The following KIRREL3 variants were observed in gnomAD, a reference collection of about 807,000 sequenced individuals.
The protein encoded by KIRREL3 is kirre like nephrin family adhesion molecule 3.
A neutral mutation model predicts 89.7 loss-of-function variants in KIRREL3; 36 were observed. That is an observed-to-expected ratio of 0.40 (90% CI 0.31 to 0.53). The LOEUF (loss-of-function observed/expected upper bound fraction) is 0.53, where lower values mean the gene tolerates loss of function less well. Among genes scored for constraint, KIRREL3 ranks in the 20% least tolerant of loss-of-function variants. The probability of loss-of-function intolerance (pLI) is 0.49; values close to 1 mark genes in which losing one functional copy is unlikely to be tolerated. For missense variants in KIRREL3, 864 were observed against 1,056.6 expected, an observed-to-expected ratio of 0.82 and a Z score of 2.53; for synonymous variants, 445 against 441.4, an observed-to-expected ratio of 1.01 and a Z score of -0.10.
At position 126,622,585 on chromosome 11, in the gene KIRREL3, A is replaced by G. The variant is rs892538217; in HGVS notation, c.56-59673T>C. Among the ~76,000 whole-genome samples, 5 of 152,212 alleles carry G rather than the reference A, an allele frequency of 3.3e-5. No individual in the cohort carries two copies. The highest frequency in any genetic ancestry group is 7.3e-5 in the Non-Finnish European group (5 of 68,038). Reference sequence around the variant, plus strand: ...GTGCCTGTAATCCCAGCTACTCAGGAGGCTGAGGCAGAAGAATCACTTGAA... The same window carrying G: ...GTGCCTGTAATCCCAGCTACTCAGGGGGCTGAGGCAGAAGAATCACTTGAA... On this transcript the variant is annotated intron_variant, in intron 1 of 16. Coordinates refer to ENST00000525144, the MANE Select transcript of KIRREL3 (RefSeq NM_032531.4). This position sits in a 1 kb window ranked among gnomAD's most constrained non-coding sequence, Gnocchi z 5.2.
chr11:126,838,795 G>A (rs577757095), intron 1 of KIRREL3, among the ~76,000 whole-genome samples: 1 of 152,244 alleles, frequency 6.6e-6, no homozygotes, highest in African/African-American at 2.4e-5. Flanking sequence ...GTAATAAAGG[G>A]GGGAAATATA....
At position 126,877,268 on chromosome 11, in the gene KIRREL3, T is replaced by C. The variant is rs1310187196; in HGVS notation, c.55+123187A>G. On this transcript the variant is annotated intron_variant, in intron 1 of 16. Transcript: ENST00000525144. This position sits in a 1 kb window ranked among gnomAD's most constrained non-coding sequence, Gnocchi z 4.9. ...CCAGCCAGCCAAGAGCTGCATTACA[T>C]CTGGAACTGGGCTCAGATAGCAAAA... Among the ~76,000 whole-genome samples the C allele has an allele frequency of 1.3e-5, 2 of 152,228 alleles. No homozygotes were observed. The highest frequency in any genetic ancestry group is 2.9e-5 in the Non-Finnish European group (2 of 68,036).
chr11:126,932,895 T>C (rs1948014484), intron 1 of KIRREL3, among the ~76,000 whole-genome samples: 1 of 152,242 alleles, frequency 6.6e-6, no homozygotes, highest in South Asian at 2.1e-4. Flanking sequence ...ACAGCTCACA[T>C]AGCCATAATA....
chr11:126,867,187 G>T lies in KIRREL3; in HGVS notation c.55+133268C>A, dbSNP rs1293858564. ...TCTGCCTGTCTGCCTGCTCCCCCCA[G>T]GGGTTTGAGCAGCGGGGCATCTATG... is the stretch of plus-strand genomic sequence containing the variant. On this transcript the variant is annotated intron_variant, in intron 1 of 16. Transcript: ENST00000525144. This position sits in a 1 kb window ranked among gnomAD's most constrained non-coding sequence, Gnocchi z 4.7. 6.6e-6 allele frequency among the ~76,000 whole-genome samples: 1 copy of T among 152,220 alleles called. No homozygotes were observed. The highest frequency in any genetic ancestry group is 1.5e-5 in the Non-Finnish European group (1 of 68,036).
chr11:126,518,053 C>T (rs1051880295), intron 4 of KIRREL3, among the ~76,000 whole-genome samples: 2 of 152,238 alleles, frequency 1.3e-5, no homozygotes, highest in Non-Finnish European at 2.9e-5. Flanking sequence ...AATCCCCAGT[C>T]TTTGCCTCTC....
At chr11:126,442,287 A>G (rs961879237) in intron 10 of KIRREL3, among the ~76,000 whole-genome samples, 1 of 135,180 alleles carries the variant, frequency 7.4e-6, no homozygotes, top group African/African-American at 2.7e-5. Context: ...AAAAAAACAA[A>G]AAACCCAACA....
At position 126,612,871 on chromosome 11, in the gene KIRREL3, G is replaced by A. The variant is rs116365632; in HGVS notation, c.56-49959C>T. The stretch of plus-strand genomic sequence containing the variant: ...CATGGCATAGCTATAAGCGCATTTT[G>A]TCCATTCATCATCTGCTAGACATTT... On this transcript the variant is annotated intron_variant, in intron 1 of 16. Transcript: ENST00000525144. The surrounding 1 kb of genome is among the most constrained non-coding windows in gnomAD (Gnocchi z 4.5). 3.7e-3 allele frequency among the ~76,000 whole-genome samples: 559 copies of A among 152,280 alleles called. 1 individual carries two copies. The highest frequency in any genetic ancestry group is 0.013 in the African/African-American group (528 of 41,560).
Position 126,431,518 on chromosome 11 carries a change from G to A in KIRREL3, c.1597C>T (p.Pro533Ser). The A allele has an allele frequency of 6.2e-7, 1 of 1,613,668 alleles. No homozygotes were observed. Among genetic ancestry groups the A allele is most frequent in the Non-Finnish European group, 8.5e-7 (1 of 1,179,808 alleles). ...GCCACCCCAATGATGACGGCCATCG[G>A]CACAGACTCTGTGGGAGAGAAGCGG... ...SGAGLEAESV[P>S]MAVIIGVAVG... The change falls in exon 14 of 17, where the codon CCG becomes TCG. Residue 533 changes from proline (P) to serine (S), a missense_variant. Coordinates refer to ENST00000525144, the MANE Select transcript of KIRREL3 (RefSeq NM_032531.4). This position sits in a 1 kb window ranked among gnomAD's most constrained non-coding sequence, Gnocchi z 7.1.
chr11:126,556,428 G>A (rs796921228), intron 2 of KIRREL3, among the ~76,000 whole-genome samples: 2 of 152,232 alleles, frequency 1.3e-5, no homozygotes, highest in African/African-American at 4.8e-5. Flanking sequence ...ATTGCTTGAG[G>A]CCAGGGGTTT....
Position 126,436,956 on chromosome 11 carries a change from C to T in KIRREL3, c.1407G>A (p.Thr469=), listed in dbSNP as rs373003704. 4.4e-5 allele frequency: 70 copies of T among 1,599,272 alleles called. No individual in the cohort carries two copies. Among genetic ancestry groups the T allele is most frequent in the Admixed American group, 1.7e-4 (10 of 59,424 alleles). ...VLESGTSGRY[T]VETISTEEGV... ...CCTCCTCGGTGCTGATGGTCTCCACCGTATAGCGCCCCGATGTGCCCGACT... is the reference window on the plus strand; with the variant it reads ...CCTCCTCGGTGCTGATGGTCTCCACTGTATAGCGCCCCGATGTGCCCGACT... Residue 469 remains threonine, a synonymous_variant, in exon 12 of 17, where the codon ACG becomes ACA. Coordinates refer to ENST00000525144, the MANE Select transcript of KIRREL3 (RefSeq NM_032531.4).
intron 1 of KIRREL3, among the ~76,000 whole-genome samples, chr11:126,858,617 C>T (rs1036675953): frequency 1.3e-5 from 2 of 152,110 alleles, no homozygotes; most frequent in African/African-American, 4.8e-5. Flanking sequence ...TGGCTTTGAT[C>T]TCATAAGAGG....
intron 4 of KIRREL3, among the ~76,000 whole-genome samples, chr11:126,493,378 G>A (rs576925974): frequency 3.9e-5 from 6 of 152,110 alleles, no homozygotes; most frequent in South Asian, 2.1e-4. Context: ...AAAATTAGCC[G>A]GGCACAGTGG....
chr11:126,545,604 A>AT (rs1938749986), intron 2 of KIRREL3, among the ~76,000 whole-genome samples: 1 of 151,362 alleles, frequency 6.6e-6, no homozygotes, highest in Non-Finnish European at 1.5e-5. Context: ...CCCTGTCTCA[A>AT]TTTTTAAAAA....
rs376705521 is a variant in KIRREL3, at chr11:126,431,268, C to T, written c.1696+151G>A. On this transcript the variant is annotated intron_variant, in intron 14 of 16. Coordinates refer to ENST00000525144, the MANE Select transcript of KIRREL3 (RefSeq NM_032531.4). This position sits in a 1 kb window ranked among gnomAD's most constrained non-coding sequence, Gnocchi z 7.1. ...CCATGTTGCCCAGGCTCACATACACCGATGCATCAGACCCACTCCCTGCCC... is the reference window on the plus strand; with the variant it reads ...CCATGTTGCCCAGGCTCACATACACTGATGCATCAGACCCACTCCCTGCCC... 588 of 1,544,796 alleles carry T rather than the reference C, an allele frequency of 3.8e-4. No homozygotes were observed. The highest frequency in any genetic ancestry group is 4.7e-4 in the Non-Finnish European group (540 of 1,142,222).
At chr11:126,539,354 C>T (rs1395416435) in intron 2 of KIRREL3, among the ~76,000 whole-genome samples, 4 of 152,114 alleles carry the variant, frequency 2.6e-5, no homozygotes, top group South Asian at 4.1e-4. Flanking sequence ...GGCCCTTGAA[C>T]GTGTGCCAAG....
At chr11:126,438,296 AAC>A (rs1385678231) in intron 11 of KIRREL3, among the ~76,000 whole-genome samples, 2 of 152,250 alleles carry the variant, frequency 1.3e-5, no homozygotes, top group Admixed American at 1.3e-4. Flanking sequence ...GCTGCTGGTT[AAC>A]AGTTTTCAGA....
chr11:127,000,745 C>T lies in KIRREL3; in HGVS notation c.-236G>A. On this transcript the variant is annotated 5_prime_UTR_variant, in exon 1 of 17. Transcript: ENST00000525144. The surrounding 1 kb of genome is among the most constrained non-coding windows in gnomAD (Gnocchi z 7.1). ...GGGAAGCCGGGATTGTCAGCAATGT[C>T]CCCACTCGGAGAAGATCCATTCTCT... 1.9e-6 allele frequency: 1 copy of T among 534,796 alleles called. No homozygotes were observed. The allele number at this position is 534,796 out of a possible 1,614,324, so 33.1% of individuals were successfully genotyped here. A position where few individuals can be genotyped will look rare whatever the true frequency, so the allele number is the denominator to read the frequency against.
chr11:126,741,923 C>A (rs1949000309), intron 1 of KIRREL3, among the ~76,000 whole-genome samples: 1 of 152,226 alleles, frequency 6.6e-6, no homozygotes, highest in African/African-American at 2.4e-5. Flanking sequence ...GAGAGTGAGA[C>A]TACCATTCCA....
rs9971527 is a variant in KIRREL3, at chr11:126,519,170, C to T, written c.433+2145G>A. Among the ~76,000 whole-genome samples, 6 of 152,058 alleles carry T rather than the reference C, an allele frequency of 3.9e-5. No individual in the cohort carries two copies. Among genetic ancestry groups the T allele is most frequent in the East Asian group, 3.9e-4 (2 of 5,184 alleles). ...AGAGGGCGGTGTCAGGCCATGCCAC[C>T]GGAGAGGAAGGGGGAGCGAATGCCT... On this transcript the variant is annotated intron_variant, in intron 4 of 16. Transcript: ENST00000525144. The surrounding 1 kb of genome is among the most constrained non-coding windows in gnomAD (Gnocchi z 4.3).
Sources: gnomAD v4.1 joint callset for allele counts (sites outside exome capture counted in the v4.1 genomes callset) on GRCh38, gnomAD v4.1.1 for gene constraint, Gnocchi (gnomAD v3.1) non-coding constraint, MANE v1.5 for transcripts, NCBI Gene and HGNC (gene_info 2026-07-23, HGNC 2026-07-21) for gene names.